Variants in SLC66A3 observed in about 807,000 individuals in gnomAD.
SLC66A3 encodes PQ loop repeat containing 3.
Under a neutral mutation model 25.5 loss-of-function variants are expected in SLC66A3, and 23 were observed. The observed-to-expected ratio is 0.90, with a 90% CI of 0.65 to 1.28. SLC66A3 has a LOEUF of 1.28. Ranked by LOEUF, SLC66A3 falls within the 50% of genes most tolerant of loss-of-function variation. The pLI is 0.00. For synonymous variants in SLC66A3, 108 were observed against 112.6 expected (o/e 0.96, Z 0.26); for missense variants, 246 against 262.1 (o/e 0.94, Z 0.42).
Position 11,174,971 on chromosome 2 carries a change from G to A in SLC66A3, c.479G>A (p.Arg160Lys). 1.9e-6 allele frequency: 3 copies of A among 1,607,634 alleles called. No individual in the cohort carries two copies. Among genetic ancestry groups the A allele is most frequent in the Non-Finnish European group, 2.5e-6 (3 of 1,177,748 alleles). ...WSLSSYTCATRIITTLMTTND... is the reference protein window; with the variant it reads ...WSLSSYTCATKIITTLMTTND... ...TGCTGCAAGTTTTCTTTTACAGCAAGAATAATCACAACCTTAATGACCACC... is the reference window on the plus strand; with the variant it reads ...TGCTGCAAGTTTTCTTTTACAGCAAAAATAATCACAACCTTAATGACCACC... Residue 160 changes from arginine to lysine, a missense_variant, in exon 6 of 7, where the codon AGA becomes AAA. Transcript: ENST00000295083.
chr2:11,178,065 G>GAGA lies in SLC66A3; in HGVS notation c.*239_*240insAAG, dbSNP rs3832138. On this transcript the variant is annotated 3_prime_UTR_variant, in exon 7 of 7. Coordinates refer to ENST00000295083, the MANE Select transcript of SLC66A3 (RefSeq NM_152391.5). ...GTAGTGCTCAGACATCTGCAGTGTT[G>GAGA]AGGCCAGTCACTGTTGGAAGTCATC... is the stretch of plus-strand genomic sequence containing the variant. 0.45 allele frequency: 176,284 copies of GAGA among 394,246 alleles called. 41,724 individuals carry two copies. Among genetic ancestry groups the GAGA allele is most frequent in the Middle Eastern group, 0.49 (711 of 1,458 alleles). The allele number at this position is 394,246 out of a possible 1,614,324, so 24.4% of individuals were successfully genotyped here.
Position 11,160,563 on chromosome 2 carries a change from C to A in SLC66A3, c.226+15C>A. 6.2e-7 allele frequency: 1 copy of A among 1,614,174 alleles called. No individual in the cohort carries two copies. Among genetic ancestry groups the A allele is most frequent in the Non-Finnish European group, 8.5e-7 (1 of 1,180,036 alleles). On this transcript the variant is annotated intron_variant, in intron 2 of 6. Transcript: ENST00000295083. ...CATCGCGCAAGGTAACAGCCCCTTC[C>A]CTGTCCAGCGGACTGCCACGGGTCT...
chr2:11,178,017 C>T lies in SLC66A3; in HGVS notation c.*189C>T, dbSNP rs896245574. 5.4e-6 allele frequency: 3 copies of T among 555,414 alleles called. No homozygotes were observed. Among genetic ancestry groups the T allele is most frequent in the Non-Finnish European group, 9.5e-6 (3 of 314,692 alleles). The allele number at this position is 555,414 out of a possible 1,614,324, so 34.4% of individuals were successfully genotyped here. On this transcript the variant is annotated 3_prime_UTR_variant, in exon 7 of 7. Coordinates refer to ENST00000295083, the MANE Select transcript of SLC66A3 (RefSeq NM_152391.5). ...TTTAAAAATACCAATTTGCCTCCTC[C>T]TTCCTCACTTCGTTAGGTTATGGTA... is the stretch of plus-strand genomic sequence containing the variant.
chr2:11,161,803 G>C (rs1223809190), intron 3 of SLC66A3, among the ~76,000 whole-genome samples: 1 of 152,242 alleles, frequency 6.6e-6, no homozygotes, highest in Non-Finnish European at 1.5e-5. Flanking sequence ...TTACAGGCAT[G>C]AGCTGCCACT....
chr2:11,174,523 G>C lies in SLC66A3; in HGVS notation c.476-445G>C, dbSNP rs145148400. On this transcript the variant is annotated intron_variant, in intron 5 of 6. Transcript: ENST00000295083. ...TGTTTTGTTTTGTTTTTGAGACGGA[G>C]TCTGGCTCTGTCACCCAGGCTGGAG... Among the ~76,000 whole-genome samples, 37 of 152,204 alleles carry C rather than the reference G, an allele frequency of 2.4e-4. 1 individual carries two copies. In the East Asian group the frequency reaches 7.1e-3, roughly 29 times the overall value.
At chr2:11,167,540 A>T (rs2147994420) in intron 4 of SLC66A3, among the ~76,000 whole-genome samples, 2 of 152,352 alleles carry the variant, frequency 1.3e-5, no homozygotes, top group African/African-American at 4.8e-5. Context: ...CATCTATTCT[A>T]ACTATAACAT....
At chr2:11,159,654 C>T (rs1054879173) in intron 1 of SLC66A3, among the ~76,000 whole-genome samples, 3 of 152,148 alleles carry the variant, frequency 2.0e-5, no homozygotes, top group Non-Finnish European at 4.4e-5. Context: ...TCCCATGGTT[C>T]CGGCTCCCCT....
chr2:11,176,568 G>A (rs1373379539), intron 6 of SLC66A3, among the ~76,000 whole-genome samples: 1 of 93,364 alleles, frequency 1.1e-5, no homozygotes, highest in East Asian at 3.9e-4. Flanking sequence ...TCGCTCTGTC[G>A]CCCAGGCTGG....
At chr2:11,175,193 T>A (rs1662694449) in intron 6 of SLC66A3, among the ~76,000 whole-genome samples, 184 bp downstream of exon 6, 1 of 152,224 alleles carries the variant, frequency 6.6e-6, no homozygotes, top group South Asian at 2.1e-4. Context: ...CTCCTTCTTA[T>A]AGTACAGGGG....
intron 6 of SLC66A3, among the ~76,000 whole-genome samples, chr2:11,176,233 T>C (rs987599044): frequency 1.3e-5 from 2 of 152,256 alleles, no homozygotes; most frequent in Non-Finnish European, 2.9e-5. Flanking sequence ...TGTTTTGTTT[T>C]GAGATGGATT....
In SLC66A3 at chr2:11,177,911, T is replaced by C; in HGVS notation, c.*83T>C. The C allele has an allele frequency of 1.2e-6, 1 of 851,598 alleles. No homozygotes were observed. The highest frequency in any genetic ancestry group is 1.9e-6 in the Non-Finnish European group (1 of 531,998). 52.8% of individuals were successfully genotyped at this position (851,598 alleles called of 1,614,324 possible). A position where few individuals can be genotyped will look rare whatever the true frequency, so the allele number is the denominator to read the frequency against. On this transcript the variant is annotated 3_prime_UTR_variant, in exon 7 of 7. Coordinates refer to ENST00000295083, the MANE Select transcript of SLC66A3 (RefSeq NM_152391.5). ...AGCTCTTTGCTAAATTAAGGTCTTT[T>C]ATAAATTTAGTAAATCAGTTTATAA...
rs991165852 is a variant in SLC66A3 at position 11,168,128 on chromosome 2, A to T, written c.355-3797A>T. On this transcript the variant is annotated intron_variant, in intron 4 of 6. Transcript: ENST00000295083. ...ACCTCGTCTCTACTAAAAATATATA[A>T]AAAAAAATTAGCCGGGTGTGGTGGC... 9.9e-5 allele frequency among the ~76,000 whole-genome samples: 15 copies of T among 151,712 alleles called. 1 individual carries two copies. Among genetic ancestry groups the T allele is most frequent in the South Asian group, 6.3e-4 (3 of 4,788 alleles).
chr2:11,161,651 T>C lies in SLC66A3; in HGVS notation c.296+957T>C, dbSNP rs115962268. On this transcript the variant is annotated intron_variant, in intron 3 of 6. Transcript: ENST00000295083. ...TTCCCGCCTCAGCCTCCTGAGTAGC[T>C]GGAGCTACAGGTGCATGCTACTATG... Among the ~76,000 whole-genome samples the C allele has an allele frequency of 8.4e-4, 128 of 152,288 alleles. 1 individual carries two copies. The highest frequency in any genetic ancestry group is 2.4e-3 in the Admixed American group (36 of 15,306).
intron 6 of SLC66A3, among the ~76,000 whole-genome samples, chr2:11,177,425 C>T (rs1181321729): frequency 1.3e-5 from 2 of 151,638 alleles, no homozygotes; most frequent in Admixed American, 6.6e-5. Flanking sequence ...GGCCACTGAA[C>T]CCCAGCCTGG....
intron 6 of SLC66A3, among the ~76,000 whole-genome samples, chr2:11,175,294 A>G (rs190754980): frequency 1.6e-4 from 24 of 152,316 alleles, no homozygotes; most frequent in Middle Eastern, 3.4e-3. Flanking sequence ...ACAATTCCCT[A>G]TTGAATTCTA....
At chr2:11,162,885 C>T (rs999054870) in intron 3 of SLC66A3, among the ~76,000 whole-genome samples, 20 of 152,308 alleles carry the variant, frequency 1.3e-4, no homozygotes, top group African/African-American at 4.8e-4. Context: ...GGATTACAGG[C>T]GTGAGCCACC....
In SLC66A3 at chr2:11,155,477, A is replaced by G; in HGVS notation, c.-70A>G. ...TCCCGGGAAGGCGGAAGGCTTCGGC[A>G]GAGCTGCGCCGCCGAGGCTGAGCGG... On this transcript the variant is annotated 5_prime_UTR_variant, in exon 1 of 7. Transcript: ENST00000295083. 2.9e-6 allele frequency: 4 copies of G among 1,385,420 alleles called. No homozygotes were observed. Among genetic ancestry groups the G allele is most frequent in the African/African-American group, 1.5e-5 (1 of 65,854 alleles). 85.8% of individuals were successfully genotyped at this position (1,385,420 alleles called of 1,614,324 possible).
intron 6 of SLC66A3, among the ~76,000 whole-genome samples, chr2:11,177,191 G>A (rs913881835): frequency 8.5e-5 from 13 of 152,254 alleles, no homozygotes; most frequent in African/African-American, 3.1e-4. Context: ...TGGGCACAGT[G>A]GCTCACGCCT....
Position 11,160,463 on chromosome 2 carries a change from C to T in SLC66A3, c.144-3C>T, listed in dbSNP as rs1438983509. The T allele has an allele frequency of 6.2e-7, 1 of 1,614,068 alleles. No individual in the cohort carries two copies. Among genetic ancestry groups the T allele is most frequent in the South Asian group, 1.1e-5 (1 of 91,078 alleles). On this transcript the variant is annotated splice_polypyrimidine_tract_variant and splice_region_variant and intron_variant, in intron 1 of 6. Transcript: ENST00000295083. ...GTGTGGACATGTGCCCTTCTCTCTCCAGATTCCTGGTGTTTCTGCGGTACC... is the reference window on the plus strand; with the variant it reads ...GTGTGGACATGTGCCCTTCTCTCTCTAGATTCCTGGTGTTTCTGCGGTACC...
Sources: gnomAD v4.1 joint callset for allele counts (sites outside exome capture counted in the v4.1 genomes callset) on GRCh38, gnomAD v4.1.1 for gene constraint, MANE v1.5 for transcripts, NCBI Gene and HGNC (gene_info 2026-07-23, HGNC 2026-07-21) for gene names.